CADM2: variants seen among roughly 807,000 people sequenced by gnomAD.
The protein encoded by CADM2 is immunoglobulin superfamily member 4D.
In CADM2, 12 loss-of-function variants were observed where a neutral mutation model predicts 49.8. That is an observed-to-expected ratio of 0.24 (90% CI 0.15 to 0.39). The LOEUF (loss-of-function observed/expected upper bound fraction) is 0.39. CADM2 is among the 10% of genes least tolerant of loss of function. The probability of loss-of-function intolerance (pLI) is 1.00; values close to 1 mark genes in which losing one functional copy is unlikely to be tolerated. For missense variants in CADM2, 378 were observed against 492.3 expected (o/e 0.77, Z 2.20); for synonymous variants, 214 against 175.4 (o/e 1.22, Z -1.74).
At chr3:85,313,286 A>G (rs2044389764) in intron 1 of CADM2, among the ~76,000 whole-genome samples, 1 of 152,212 alleles carries the variant, frequency 6.6e-6, no homozygotes, top group South Asian at 2.1e-4. Flanking sequence ...AGAAAATCTA[A>G]TTGGTTGACT....
intron 1 of CADM2, among the ~76,000 whole-genome samples, chr3:85,498,171 GTTTTTT>G (rs61505551): frequency 2.9e-4 from 39 of 134,600 alleles, no homozygotes; most frequent in African/African-American, 9.7e-4. Flanking sequence ...TTGTTGCCAA[GTTTTTT>G]TTTTTTTTTT....
chr3:85,494,296 C>T (rs1398956050), intron 1 of CADM2, among the ~76,000 whole-genome samples: 2 of 152,112 alleles, frequency 1.3e-5, no homozygotes, highest in Admixed American at 6.5e-5. Flanking sequence ...AAAAACATCA[C>T]AGTCAAAATA....
At chr3:85,684,033 T>G (rs1049871442) in intron 1 of CADM2, among the ~76,000 whole-genome samples, 12 of 152,114 alleles carry the variant, frequency 7.9e-5, no homozygotes, top group Admixed American at 3.3e-4. Context: ...AGAACAAAAG[T>G]GGTGTATGTT....
intron 1 of CADM2, among the ~76,000 whole-genome samples, chr3:85,153,645 C>T (rs1457723377): frequency 6.6e-6 from 1 of 152,120 alleles, no homozygotes; most frequent in African/African-American, 2.4e-5. Context: ...AGGGCACAGA[C>T]AAACAAAAAG....
At chr3:85,204,918 AT>A (rs1405159439) in intron 1 of CADM2, among the ~76,000 whole-genome samples, 1 of 151,988 alleles carries the variant, frequency 6.6e-6, no homozygotes, top group Non-Finnish European at 1.5e-5. Context: ...TAAAATGAAG[AT>A]TTTCCTAAAT....
chr3:85,329,055 G>A (rs1007882387), intron 1 of CADM2, among the ~76,000 whole-genome samples: 2 of 152,104 alleles, frequency 1.3e-5, no homozygotes, highest in Non-Finnish European at 2.9e-5. Context: ...ATTATAAAAT[G>A]TTACAATTTG....
intron 8 of CADM2, among the ~76,000 whole-genome samples, chr3:86,043,089 A>T (rs1736170429): frequency 1.3e-5 from 2 of 152,192 alleles, no homozygotes; most frequent in Admixed American, 6.5e-5. Flanking sequence ...TCAAAATAAT[A>T]AGAGCTATCT....
chr3:85,837,823 G>A (rs1332900015), intron 3 of CADM2, among the ~76,000 whole-genome samples: 2 of 151,752 alleles, frequency 1.3e-5, no homozygotes, highest in East Asian at 1.9e-4. Context: ...TATAATCAAA[G>A]TGTGTTGCTT....
intron 1 of CADM2, among the ~76,000 whole-genome samples, chr3:85,534,744 T>A (rs2061390194): frequency 1.3e-5 from 2 of 152,176 alleles, no homozygotes; most frequent in African/African-American, 4.8e-5. Context: ...TTGTTTCCCA[T>A]TCTTTTAATT....
chr3:85,662,224 T>G (rs2065429818), intron 1 of CADM2, among the ~76,000 whole-genome samples: 1 of 144,264 alleles, frequency 6.9e-6, no homozygotes, highest in Non-Finnish European at 1.5e-5. Flanking sequence ...ATTTTGACAG[T>G]ATAGGTGGGT....
At chr3:85,391,184 T>A (rs1180402275) in intron 1 of CADM2, among the ~76,000 whole-genome samples, 1 of 152,078 alleles carries the variant, frequency 6.6e-6, no homozygotes, top group Non-Finnish European at 1.5e-5. Flanking sequence ...AAGGATACAT[T>A]GGGTCTATTG....
At chr3:85,447,164 A>G (rs982042704) in intron 1 of CADM2, among the ~76,000 whole-genome samples, 1 of 151,552 alleles carries the variant, frequency 6.6e-6, no homozygotes, top group Non-Finnish European at 1.5e-5. Context: ...GAGTACCTCT[A>G]TAATTCAAAG....
intron 1 of CADM2, among the ~76,000 whole-genome samples, chr3:85,040,933 C>T (rs2035408214): frequency 6.6e-6 from 1 of 152,100 alleles, no homozygotes; most frequent in South Asian, 2.1e-4. Flanking sequence ...ACTCATCGCA[C>T]AATATCAGAT....
intron 1 of CADM2, among the ~76,000 whole-genome samples, chr3:85,544,862 A>G (rs2061630839): frequency 1.3e-5 from 2 of 152,078 alleles, no homozygotes; most frequent in African/African-American, 4.8e-5. Context: ...GAGGATAGGA[A>G]GGAAGGAAGG....
intron 1 of CADM2, among the ~76,000 whole-genome samples, chr3:84,981,383 G>A (rs1391647694): frequency 6.6e-6 from 1 of 151,876 alleles, no homozygotes; most frequent in Non-Finnish European, 1.5e-5. Context: ...TTGGTCTAGG[G>A]TGCCAGAGAA....
At chr3:85,211,466 A>G (rs72911124) in intron 1 of CADM2, among the ~76,000 whole-genome samples, 10,959 of 152,036 alleles carry the variant, frequency 0.072, 1,318 homozygotes, top group African/African-American at 0.25. Flanking sequence ...GTTGTATTTT[A>G]TAGGTTTAGT....
chr3:86,016,134 T>C (rs961841408), intron 8 of CADM2, among the ~76,000 whole-genome samples: 4 of 152,096 alleles, frequency 2.6e-5, no homozygotes, highest in African/African-American at 9.7e-5. Flanking sequence ...TGTCAGTCTT[T>C]TGATACACTA....
intron 3 of CADM2, among the ~76,000 whole-genome samples, chr3:85,819,645 T>C (rs751641405): frequency 2.6e-5 from 4 of 152,148 alleles, no homozygotes; most frequent in Non-Finnish European, 5.9e-5. Flanking sequence ...TTCTGTGGAA[T>C]CCTAAGTTTA....
chr3:85,321,096 A>ATATG (rs1445505751), intron 1 of CADM2, among the ~76,000 whole-genome samples: 7 of 30,204 alleles, frequency 2.3e-4, no homozygotes, highest in African/African-American at 7.6e-4. Flanking sequence ...ATATACATAT[A>ATATG]TATATATATA....
Sources: gnomAD v4.1 joint callset for allele counts (sites outside exome capture counted in the v4.1 genomes callset) on GRCh38, gnomAD v4.1.1 for gene constraint, MANE v1.5 for transcripts, NCBI Gene and HGNC (gene_info 2026-07-23, HGNC 2026-07-21) for gene names.